Variants in HDAC9 observed in about 807,000 individuals in gnomAD.
The protein encoded by HDAC9 is histone deacetylase 9.
In HDAC9, 41 loss-of-function variants were observed where a neutral mutation model predicts 139.4. The observed-to-expected ratio is 0.29, with a 90% CI of 0.23 to 0.38. The LOEUF (loss-of-function observed/expected upper bound fraction) is 0.38. HDAC9 is among the 10% of genes least tolerant of loss of function. HDAC9 has a pLI of 1.00. For synonymous variants in HDAC9, 517 were observed against 476.2 expected, an observed-to-expected ratio of 1.09 and a Z score of -1.12; for missense variants, 1,147 against 1,297.0, an observed-to-expected ratio of 0.88 and a Z score of 1.78.
chr7:18,494,742 T>C (rs570328168), upstream of HDAC9, among the ~76,000 whole-genome samples: 1 of 152,232 alleles, frequency 6.6e-6, no homozygotes, highest in East Asian at 1.9e-4. Flanking sequence ...GAGGTCCATA[T>C]TTCGGGCAAC....
Position 18,997,838 on chromosome 7 carries a change from C to G in HDAC9, c.*1776C>G, listed in dbSNP as rs1585530494. On this transcript the variant is annotated 3_prime_UTR_variant, in exon 26 of 26. Coordinates refer to ENST00000686413, the MANE Select transcript of HDAC9 (RefSeq NM_178425.4). The stretch of plus-strand genomic sequence containing the variant: ...ATTTTAAAGACTTTTATTACATATA[C>G]AAAAATGGCTCAATACTTGGTTTAA... 1 of 151,992 alleles carries G rather than the reference C, an allele frequency of 6.6e-6. No individual in the cohort carries two copies. The highest frequency in any genetic ancestry group is 2.4e-5 in the African/African-American group (1 of 41,394). 9.4% of individuals were successfully genotyped at this position (151,992 alleles called of 1,614,324 possible).
intron 21 of HDAC9, among the ~76,000 whole-genome samples, chr7:18,848,111 T>A (rs1342847351): frequency 6.6e-6 from 1 of 152,188 alleles, no homozygotes; most frequent in Non-Finnish European, 1.5e-5. Flanking sequence ...ATGATGTGTG[T>A]CTGGGCCTAA....
intron 25 of HDAC9, among the ~76,000 whole-genome samples, chr7:18,994,512 C>A (rs1197753641): frequency 6.6e-6 from 1 of 152,166 alleles, no homozygotes; most frequent in African/African-American, 2.4e-5. Flanking sequence ...CAGGCTATAA[C>A]TTCTTAAGAA....
intron 13 of HDAC9, among the ~76,000 whole-genome samples, chr7:18,741,821 A>T (rs182484699): frequency 3.6e-4 from 55 of 152,294 alleles, no homozygotes; most frequent in African/African-American, 1.3e-3. Flanking sequence ...CAAGTGATTG[A>T]AAGAAGTTGA....
chr7:18,373,231 A>C (rs1262916411), intron 1 of HDAC9, among the ~76,000 whole-genome samples: 4 of 152,192 alleles, frequency 2.6e-5, no homozygotes, highest in Non-Finnish European at 5.9e-5. Flanking sequence ...CTAGCTGAGC[A>C]CTAACGAGTA....
chr7:18,152,913 G>C (rs1467314263), intron 1 of HDAC9, among the ~76,000 whole-genome samples: 1 of 152,202 alleles, frequency 6.6e-6, no homozygotes, highest in Non-Finnish European at 1.5e-5. Context: ...GGAAATTTAG[G>C]TGTATCCTAA....
In HDAC9 at chr7:18,732,560, C is replaced by CAT. The variant is rs397829036; in HGVS notation, c.1909+4803_1909+4804insAT. Among the ~76,000 whole-genome samples the CAT allele has an allele frequency of 2.3e-5, 3 of 129,718 alleles. 1 individual carries two copies. The highest frequency in any genetic ancestry group is 4.7e-5 in the Non-Finnish European group (3 of 63,482). 85.1% of individuals were successfully genotyped at this position (129,718 alleles called of 152,430 possible). Reference sequence around the variant, plus strand: ...TATGTGTATATAATGTATATACACACGTGTATATATGTGCATGTGTATATA... The same window carrying CAT: ...TATGTGTATATAATGTATATACACACATGTGTATATATGTGCATGTGTATATA... On this transcript the variant is annotated intron_variant, in intron 13 of 25. Transcript: ENST00000686413.
chr7:18,093,370 C>A (rs1454611558), intron 1 of HDAC9, among the ~76,000 whole-genome samples: 1 of 152,122 alleles, frequency 6.6e-6, no homozygotes, highest in African/African-American at 2.4e-5. Flanking sequence ...AGGGGGAAAG[C>A]CTGTTACTCA....
At chr7:18,135,517 TG>T (rs1337838206) in intron 1 of HDAC9, among the ~76,000 whole-genome samples, 2 of 135,404 alleles carry the variant, frequency 1.5e-5, no homozygotes, top group African/African-American at 5.6e-5. Context: ...GTGATCTCAT[TG>T]TTCAATTCCC....
chr7:18,740,217 G>T (rs924536042), intron 13 of HDAC9, among the ~76,000 whole-genome samples: 9 of 152,154 alleles, frequency 5.9e-5, no homozygotes, highest in African/African-American at 2.2e-4. Flanking sequence ...CCAACCCCTT[G>T]TGCTTCCTGG....
intron 22 of HDAC9, among the ~76,000 whole-genome samples, chr7:18,886,391 G>GA (rs1403335139): frequency 2.6e-5 from 4 of 152,204 alleles, no homozygotes; most frequent in Non-Finnish European, 4.4e-5. Context: ...TATGTAAGCA[G>GA]AGTTTGCCCC....
At chr7:18,648,034 G>A in intron 10 of HDAC9, 36 bp downstream of exon 10, 1 of 1,488,696 alleles carries the variant, frequency 6.7e-7, no homozygotes, top group Non-Finnish European at 9.2e-7. Context: ...GGTCATTTTA[G>A]GGTTTTATTT....
intron 2 of HDAC9, among the ~76,000 whole-genome samples, chr7:18,236,438 A>G (rs1397519789): frequency 1.3e-5 from 2 of 152,222 alleles, no homozygotes; most frequent in Admixed American, 6.5e-5. Flanking sequence ...ATCAGAAGTA[A>G]CTGAGTAGTC....
chr7:18,189,135 C>T (rs1486208648), intron 2 of HDAC9, among the ~76,000 whole-genome samples: 10 of 152,092 alleles, frequency 6.6e-5, no homozygotes, highest in Non-Finnish European at 1.3e-4. Flanking sequence ...AAATGTGGTA[C>T]ATATACACCA....
At chr7:18,945,927 C>T (rs914186688) in intron 23 of HDAC9, among the ~76,000 whole-genome samples, 4 of 151,136 alleles carry the variant, frequency 2.6e-5, no homozygotes, top group Non-Finnish European at 4.4e-5. Context: ...TTCCCAGCTA[C>T]TCAGGAGGCT....
chr7:18,281,519 T>A (rs1020868577), intron 2 of HDAC9, among the ~76,000 whole-genome samples: 9 of 152,216 alleles, frequency 5.9e-5, no homozygotes, highest in Non-Finnish European at 1.2e-4. Context: ...ATGTAAAATG[T>A]ATTTCAAAGG....
intron 2 of HDAC9, among the ~76,000 whole-genome samples, chr7:18,198,323 A>T (rs118044194): frequency 0.015 from 2,306 of 152,266 alleles, 26 homozygotes; most frequent in Non-Finnish European, 0.026. Flanking sequence ...AAAAAAATAT[A>T]AGCAGCATTT....
At chr7:18,965,471 C>T (rs1022797461) in intron 24 of HDAC9, among the ~76,000 whole-genome samples, 4 of 152,160 alleles carry the variant, frequency 2.6e-5, no homozygotes, top group East Asian at 1.9e-4. Context: ...GGTTTGGCTT[C>T]TACCAGAAAC....
chr7:18,959,925 A>G (rs1317413562), intron 24 of HDAC9, among the ~76,000 whole-genome samples: 1 of 151,958 alleles, frequency 6.6e-6, no homozygotes, highest in Non-Finnish European at 1.5e-5. Flanking sequence ...GTTCTTGTCA[A>G]ATGTGTTTTA....
Sources: gnomAD v4.1 joint callset for allele counts (sites outside exome capture counted in the v4.1 genomes callset) on GRCh38, gnomAD v4.1.1 for gene constraint, MANE v1.5 for transcripts, NCBI Gene and HGNC (gene_info 2026-07-23, HGNC 2026-07-21) for gene names.